The following DPH6 variants were observed in gnomAD, a reference collection of about 807,000 sequenced individuals.
DPH6 encodes the protein diphthamine biosynthesis 6.
Under a neutral mutation model 38.2 loss-of-function variants are expected in DPH6, and 33 were observed. The observed-to-expected ratio is 0.86, with a 90% CI of 0.65 to 1.15. DPH6 has a LOEUF of 1.15. Ranked by LOEUF, DPH6 falls within the 50% of genes most tolerant of loss-of-function variation. The pLI, the probability that DPH6 is intolerant of heterozygous loss-of-function variation, is 0.00. For missense variants in DPH6, 325 were observed against 320.0 expected (o/e 1.02, Z -0.12); for synonymous variants, 108 against 103.0 (o/e 1.05, Z -0.30).
chr15:35,285,304 G>T (rs1399536948), intron 3 of DPH6, among the ~76,000 whole-genome samples: 1 of 152,090 alleles, frequency 6.6e-6, no homozygotes, highest in Non-Finnish European at 1.5e-5. Context: ...ATCTTGAATT[G>T]TTGCTCCCAC....
In DPH6 at chr15:35,451,743, A is replaced by G. The variant is rs143724520; in HGVS notation, c.387-940T>C. Reference sequence around the variant, plus strand: ...GACATAAAATAGGACAGGCGCGGTGACTCACGACTGTAATGCCAGCACTTT... The same window carrying G: ...GACATAAAATAGGACAGGCGCGGTGGCTCACGACTGTAATGCCAGCACTTT... On this transcript the variant is annotated intron_variant, in intron 4 of 8. Transcript: ENST00000256538. Among the ~76,000 whole-genome samples, 137 of 152,264 alleles carry G rather than the reference A, an allele frequency of 9.0e-4. 1 individual carries two copies. The highest frequency in any genetic ancestry group is 1.7e-3 in the Non-Finnish European group (117 of 68,016).
At position 35,538,342 on chromosome 15, in the gene DPH6, T is replaced by G. The variant is rs778368747; in HGVS notation, c.244A>C (p.Arg82=). 61 of 1,611,236 alleles carry G rather than the reference T, an allele frequency of 3.8e-5. No individual in the cohort carries two copies. Among genetic ancestry groups the G allele is most frequent in the Non-Finnish European group, 5.0e-5 (59 of 1,177,928 alleles). ...CCTTCACATTTGGTGTACACTTGTC[T>G]TGTATCCAAGCTCCTTCCTCTTATG... The part of the protein sequence containing the change: ...RTIRGRSLDT[R]QVYTKCEGDE... Residue 82 remains arginine, a synonymous_variant, in exon 3 of 9, where the codon AGA becomes CGA. Coordinates refer to ENST00000256538, the MANE Select transcript of DPH6 (RefSeq NM_080650.4).
chr15:35,459,798 T>C (rs2054040991), intron 3 of DPH6, among the ~76,000 whole-genome samples: 3 of 152,092 alleles, frequency 2.0e-5, no homozygotes, highest in Non-Finnish European at 2.9e-5. Flanking sequence ...TGCACAAATA[T>C]ACAGAAAATT....
intron 5 of DPH6, among the ~76,000 whole-genome samples, chr15:35,433,499 G>A (rs1273150769): frequency 1.3e-5 from 2 of 152,142 alleles, no homozygotes; most frequent in Non-Finnish European, 2.9e-5. Flanking sequence ...CTACACTGGG[G>A]TTGGCAAGTA....
At chr15:35,389,909 A>AGAGGCC (rs2053029220) in intron 6 of DPH6, among the ~76,000 whole-genome samples, 2 of 152,126 alleles carry the variant, frequency 1.3e-5, no homozygotes. Flanking sequence ...TATTTTGCTC[A>AGAGGCC]TTATTTGATG....
At chr15:35,544,896 T>TG (rs1171562902) in intron 1 of DPH6, among the ~76,000 whole-genome samples, 1 of 152,252 alleles carries the variant, frequency 6.6e-6, no homozygotes, top group East Asian at 1.9e-4. Context: ...ATTCACTTCC[T>TG]GGGGTACTTT....
chr15:35,209,692 G>A, the DPH6 span, among the ~76,000 whole-genome samples: 3 of 152,110 alleles, frequency 2.0e-5, no homozygotes, highest in African/African-American at 7.2e-5. Context: ...TTAACTTATT[G>A]CATTGGGGAA....
At chr15:35,530,113 T>G (rs1355227553) in intron 3 of DPH6, among the ~76,000 whole-genome samples, 1 of 152,120 alleles carries the variant, frequency 6.6e-6, no homozygotes, top group Non-Finnish European at 1.5e-5. Flanking sequence ...ATAAAGCAAT[T>G]TATGCTTATC....
At chr15:35,494,708 A>AT in intron 3 of DPH6, among the ~76,000 whole-genome samples, 1 of 152,048 alleles carries the variant, frequency 6.6e-6, no homozygotes, top group African/African-American at 2.4e-5. Flanking sequence ...TATCAAAACT[A>AT]TCAATCAATA....
chr15:35,443,747 T>C (rs1476237494), intron 5 of DPH6, among the ~76,000 whole-genome samples: 2 of 152,154 alleles, frequency 1.3e-5, no homozygotes, highest in Non-Finnish European at 2.9e-5. Context: ...CTAAAGCTCA[T>C]CTTTTAGCCT....
chr15:35,251,775 G>A (rs922204058), intron 3 of DPH6, among the ~76,000 whole-genome samples: 11 of 152,168 alleles, frequency 7.2e-5, no homozygotes, highest in Non-Finnish European at 1.6e-4. Context: ...TTCAGTAAAC[G>A]CAAAGTGAAT....
intron 3 of DPH6, among the ~76,000 whole-genome samples, chr15:35,260,270 G>C (rs1377843681): frequency 6.6e-6 from 1 of 151,964 alleles, no homozygotes; most frequent in South Asian, 2.1e-4. Flanking sequence ...ATCACGCCCA[G>C]CTAATTTTTG....
chr15:35,191,775 G>C, the DPH6 span, among the ~76,000 whole-genome samples: 1 of 150,928 alleles, frequency 6.6e-6, no homozygotes. Flanking sequence ...AAACTCACCA[G>C]ATCACCACAT....
intron 3 of DPH6, among the ~76,000 whole-genome samples, chr15:35,517,410 T>C (rs1344683763): frequency 6.6e-6 from 1 of 152,060 alleles, no homozygotes; most frequent in Non-Finnish European, 1.5e-5. Flanking sequence ...GGTACTCTCA[T>C]TGCAAAGAAA....
intron 3 of DPH6, among the ~76,000 whole-genome samples, chr15:35,336,796 C>G (rs1489112771): frequency 1.3e-5 from 2 of 152,054 alleles, no homozygotes; most frequent in Non-Finnish European, 2.9e-5. Flanking sequence ...GGGATGAAGC[C>G]CACTTGATCA....
chr15:35,403,648 T>C (rs958176186), intron 6 of DPH6, among the ~76,000 whole-genome samples: 6 of 152,112 alleles, frequency 3.9e-5, no homozygotes, highest in East Asian at 1.9e-4. Flanking sequence ...GTAGCTGGGA[T>C]AGGCATGTGC....
intron 3 of DPH6, among the ~76,000 whole-genome samples, chr15:35,353,537 A>G (rs2052533882): frequency 6.6e-6 from 1 of 152,184 alleles, no homozygotes; most frequent in Non-Finnish European, 1.5e-5. Flanking sequence ...TAAATAGGGA[A>G]TCCTTTCCCC....
At chr15:35,366,673 G>A (rs2052664168), downstream of DPH6, among the ~76,000 whole-genome samples, 1 of 151,664 alleles carries the variant, frequency 6.6e-6, no homozygotes, top group Admixed American at 6.6e-5. Flanking sequence ...AAACATATAA[G>A]CTCCCGGCCT....
chr15:35,245,059 A>C (rs1046622227), intron 3 of DPH6, among the ~76,000 whole-genome samples: 1 of 152,114 alleles, frequency 6.6e-6, no homozygotes, highest in Non-Finnish European at 1.5e-5. Context: ...TTCATGCTAC[A>C]TATTGTTAGT....
Sources: allele counts gnomAD v4.1 joint callset (sites outside exome capture counted in the v4.1 genomes callset), GRCh38; gene constraint gnomAD v4.1.1; transcripts MANE v1.5; gene names NCBI Gene and HGNC (gene_info 2026-07-23, HGNC 2026-07-21).